ZBTB2: variants seen among roughly 807,000 people sequenced by gnomAD.
ZBTB2 encodes zinc finger and BTB domain containing 2.
In ZBTB2, 2 loss-of-function variants were observed where a neutral mutation model predicts 39.5. The ratio of observed to expected loss-of-function variants is 0.05; its 90% CI spans 0.02 to 0.16. The LOEUF is 0.16. ZBTB2 is among the 10% of genes least tolerant of loss of function. ZBTB2 has a pLI of 1.00. For synonymous variants in ZBTB2, 251 were observed against 256.6 expected (o/e 0.98, Z 0.21); for missense variants, 391 against 653.0 (o/e 0.60, Z 4.37).
intron 2 of ZBTB2, among the ~76,000 whole-genome samples, chr6:151,371,407 T>C (rs1778786285): frequency 6.6e-6 from 1 of 152,190 alleles, no homozygotes; most frequent in Admixed American, 6.5e-5. Context: ...ACAATTAAAG[T>C]GTTATGAGCC....
chr6:151,374,079 C>T (rs1332359552), intron 1 of ZBTB2, among the ~76,000 whole-genome samples: 1 of 151,938 alleles, frequency 6.6e-6, no homozygotes, highest in Non-Finnish European at 1.5e-5. Flanking sequence ...GTTTAAGATT[C>T]CAAATGGAAA....
At chr6:151,368,457 GTTTTT>G in intron 2 of ZBTB2, among the ~76,000 whole-genome samples, 1 of 146,410 alleles carries the variant, frequency 6.8e-6, no homozygotes, top group East Asian at 2.1e-4. Flanking sequence ...CAACTTTGTT[GTTTTT>G]TGTTTTGTTT....
At chr6:151,373,843 TAAAAAAAAAAAAAAAA>T (rs200070063) in intron 1 of ZBTB2, among the ~76,000 whole-genome samples, 194 bp from the exon 2 acceptor site, 24 of 46,002 alleles carry the variant, frequency 5.2e-4, no homozygotes, top group Admixed American at 5.1e-3. Flanking sequence ...ATTATGCCTT[TAAAAAAAAAAAAAAAA>T]AAAAAAAAAA....
chr6:151,373,429 T>C (rs1778829348), intron 2 of ZBTB2, 36 bp downstream of exon 2: 4 of 1,611,846 alleles, frequency 2.5e-6, no homozygotes, highest in African/African-American at 1.3e-5. Flanking sequence ...TTAAGAAGTC[T>C]ACAGTCATTA....
At chr6:151,374,156 G>T (rs954917206) in intron 1 of ZBTB2, among the ~76,000 whole-genome samples, 1 of 152,140 alleles carries the variant, frequency 6.6e-6, no homozygotes, top group Non-Finnish European at 1.5e-5. Flanking sequence ...GTTGGGGCGG[G>T]GTCCCAGCAG....
At chr6:151,372,262 A>G (rs1446403978) in intron 2 of ZBTB2, among the ~76,000 whole-genome samples, 1 of 152,198 alleles carries the variant, frequency 6.6e-6, no homozygotes, top group East Asian at 1.9e-4. Context: ...GAAGGCTGAG[A>G]GAAGGGCAGT....
rs1189070493 is a variant in ZBTB2, at chr6:151,364,624, C to T, written c.*897G>A. The T allele has an allele frequency of 6.6e-6, 1 of 152,248 alleles. No homozygotes were observed. The highest frequency in any genetic ancestry group is 2.4e-5 in the African/African-American group (1 of 41,462). The allele number at this position is 152,248 out of a possible 1,614,324, so 9.4% of individuals were successfully genotyped here. A position where few individuals can be genotyped will look rare whatever the true frequency, so the allele number is the denominator to read the frequency against. On this transcript the variant is annotated 3_prime_UTR_variant, in exon 3 of 3. Coordinates refer to ENST00000325144, the MANE Select transcript of ZBTB2 (RefSeq NM_020861.3). The stretch of plus-strand genomic sequence containing the variant: ...TATATCCTTTTCCCTGCAGTACACA[C>T]ACTGATTTAAAAGTTAGTGTAAAAC...
At chr6:151,389,836 C>T (rs988135764) in intron 1 of ZBTB2, among the ~76,000 whole-genome samples, 5 of 152,172 alleles carry the variant, frequency 3.3e-5, no homozygotes, top group African/African-American at 1.2e-4. Context: ...TGCTCTGCTA[C>T]CCTCGCTTCT....
chr6:151,390,947 T>A (rs563837609), intron 1 of ZBTB2, among the ~76,000 whole-genome samples: 2 of 150,018 alleles, frequency 1.3e-5, no homozygotes, highest in African/African-American at 4.9e-5. Context: ...AGGGCGCACT[T>A]CGCGGTGGCG....
At position 151,365,174 on chromosome 6, in the gene ZBTB2, G is replaced by A. The variant is rs983073926; in HGVS notation, c.*347C>T. 57 of 197,692 alleles carry A rather than the reference G, an allele frequency of 2.9e-4. 1 individual carries two copies. Among genetic ancestry groups the A allele is most frequent in the African/African-American group, 1.2e-3 (51 of 42,354 alleles). The allele number at this position is 197,692 out of a possible 1,614,324, so 12.2% of individuals were successfully genotyped here. A position where few individuals can be genotyped will look rare whatever the true frequency, so the allele number is the denominator to read the frequency against. On this transcript the variant is annotated 3_prime_UTR_variant, in exon 3 of 3. Transcript: ENST00000325144. The surrounding 1 kb of genome is among the most constrained non-coding windows in gnomAD (Gnocchi z 5.6). ...TTTTCTGAGAAGACTTTTTACCCAGGGAAAGTCATAATTTTAGCTTACCAA... is the reference window on the plus strand; with the variant it reads ...TTTTCTGAGAAGACTTTTTACCCAGAGAAAGTCATAATTTTAGCTTACCAA...
Position 151,366,386 on chromosome 6 carries a change from G to A in ZBTB2, c.680C>T (p.Ser227Phe). 1 of 1,614,144 alleles carries A rather than the reference G, an allele frequency of 6.2e-7. No homozygotes were observed. The highest frequency in any genetic ancestry group is 8.5e-7 in the Non-Finnish European group (1 of 1,180,032). ...TGTGAGGGACGCAGGCTGCTCATCG[G>A]AGGAAGATGCTTCCAGATTGGTCTC... Reference protein sequence around the residue: ...GEETNLEASSSDEQPASLTIA... With the variant: ...GEETNLEASSFDEQPASLTIA... The change falls in exon 3 of 3, where the codon TCC (serine) becomes TTC (phenylalanine). Residue 227 changes from serine to phenylalanine, a missense_variant. By Grantham distance (155) the Ser-to-Phe change is radical. This residue lies in a region of ZBTB2 where 175 missense variants were observed against 198.6 expected (regional missense o/e 0.88). Coordinates refer to ENST00000325144, the MANE Select transcript of ZBTB2 (RefSeq NM_020861.3). This position sits in a 1 kb window ranked among gnomAD's most constrained non-coding sequence, Gnocchi z 7.1.
chr6:151,373,870 A>AAAAAAAAAAAAAAAAAAAAAAAAAAAAC (rs1778843577), intron 1 of ZBTB2, among the ~76,000 whole-genome samples: 1 of 123,568 alleles, frequency 8.1e-6, no homozygotes, highest in African/African-American at 3.6e-5. Flanking sequence ...AAAAAAAAAA[A>AAAAAAAAAAAAAAAAAAAAAAAAAAAAC]AAAAAAACCA....
At chr6:151,373,707 T>C in intron 1 of ZBTB2, 58 bp from the exon 2 acceptor site, 1 of 1,500,412 alleles carries the variant, frequency 6.7e-7, no homozygotes. Flanking sequence ...AATGTGTCCT[T>C]TATAGTCACC....
chr6:151,373,870 A>AAC (rs1554336606), intron 1 of ZBTB2, among the ~76,000 whole-genome samples: 92 of 123,602 alleles, frequency 7.4e-4, no homozygotes, highest in South Asian at 2.6e-3. Flanking sequence ...AAAAAAAAAA[A>AAC]AAAAAAACCA....
At chr6:151,390,603 G>A (rs897281415) in intron 1 of ZBTB2, among the ~76,000 whole-genome samples, 1 of 151,256 alleles carries the variant, frequency 6.6e-6, no homozygotes. Flanking sequence ...GCCGGAGACA[G>A]CGCGAGACCC....
chr6:151,383,827 G>A (rs944071538), intron 1 of ZBTB2, among the ~76,000 whole-genome samples: 3 of 152,124 alleles, frequency 2.0e-5, no homozygotes, highest in African/African-American at 7.2e-5. Flanking sequence ...TTGCCCTGGT[G>A]CATGTGTGAA....
chr6:151,376,681 G>A (rs1480230428), intron 1 of ZBTB2, among the ~76,000 whole-genome samples: 1 of 152,132 alleles, frequency 6.6e-6, no homozygotes, highest in Admixed American at 6.5e-5. Context: ...GCTAAAATAA[G>A]AAACAGTCAC....
intron 1 of ZBTB2, among the ~76,000 whole-genome samples, chr6:151,377,814 G>A (rs1374031413): frequency 6.6e-6 from 1 of 151,946 alleles, no homozygotes; most frequent in East Asian, 1.9e-4. Flanking sequence ...GATTACGGAC[G>A]TGAGCCACCG....
intron 1 of ZBTB2, chr6:151,378,063 CA>C (rs1778956164): frequency 6.6e-6 from 1 of 152,052 alleles, no homozygotes; most frequent in South Asian, 2.1e-4. Context: ...GATCTGTAAC[CA>C]AACAATCGCA....
Sources: gnomAD v4.1 joint callset for allele counts (sites outside exome capture counted in the v4.1 genomes callset) on GRCh38, gnomAD v4.1.1 for gene constraint, gnomAD v4.1.1 regional missense constraint, Gnocchi (gnomAD v3.1) non-coding constraint, MANE v1.5 for transcripts, NCBI Gene and HGNC (gene_info 2026-07-23, HGNC 2026-07-21) for gene names.